Variants in NFYA observed in about 807,000 individuals in gnomAD.
The protein encoded by NFYA is nuclear transcription factor Y subunit alpha.
In NFYA, 28 loss-of-function variants were observed where a neutral mutation model predicts 52.8. The ratio of observed to expected loss-of-function variants is 0.53; its 90% CI spans 0.39 to 0.73. The LOEUF (loss-of-function observed/expected upper bound fraction) is 0.73. Ranked by LOEUF, NFYA falls within the 30% of genes least tolerant of loss-of-function variation. NFYA has a pLI of 0.00. For missense variants in NFYA, 234 were observed against 427.0 expected (o/e 0.55, Z 3.98); for synonymous variants, 150 against 150.7 (o/e 1.00, Z 0.03).
At chr6:41,080,482 G>A (rs553387271) in intron 2 of NFYA, among the ~76,000 whole-genome samples, 140 of 152,278 alleles carry the variant, frequency 9.2e-4, no homozygotes, top group Non-Finnish European at 1.8e-3. Context: ...GAACTCATCT[G>A]AGGAGATAAA....
At chr6:41,094,176 AT>A (rs1561856629) in intron 8 of NFYA, among the ~76,000 whole-genome samples, 3 of 152,206 alleles carry the variant, frequency 2.0e-5, no homozygotes, top group Admixed American at 1.3e-4. Context: ...AAAAAAATTC[AT>A]ACTATAAGCA....
intron 1 of NFYA, among the ~76,000 whole-genome samples, chr6:41,077,236 G>A (rs926313136): frequency 4.3e-4 from 66 of 152,254 alleles, no homozygotes; most frequent in African/African-American, 1.6e-3. Flanking sequence ...TTTATTGAGA[G>A]ATACTTTAGA....
rs569500451 is a variant in NFYA, at chr6:41,097,283, G to A, written c.991-74G>A. On this transcript the variant is annotated intron_variant, in intron 9 of 9. Transcript: ENST00000341376. ...AAAGTTATGTGTATTCTCTTGGGGG[G>A]ATAAGTAGTGAGAGCCATGAGTTCC... The A allele has an allele frequency of 2.2e-5, 30 of 1,340,268 alleles. No individual in the cohort carries two copies. In the African/African-American group the frequency reaches 3.9e-4, roughly 17 times the overall value. 83.0% of individuals were successfully genotyped at this position (1,340,268 alleles called of 1,614,324 possible).
At chr6:41,075,876 T>A (rs532245736) in intron 1 of NFYA, among the ~76,000 whole-genome samples, 1 of 152,330 alleles carries the variant, frequency 6.6e-6, no homozygotes, top group South Asian at 2.1e-4. Flanking sequence ...AGTTTGAATC[T>A]TCGTCAGAGA....
intron 8 of NFYA, 77 bp downstream of exon 8, chr6:41,093,162 T>C: frequency 3.0e-6 from 4 of 1,336,800 alleles, no homozygotes; most frequent in African/African-American, 1.5e-5. Context: ...TTATATGGCT[T>C]GTTTTCTCAC....
intron 8 of NFYA, 99 bp from the exon 9 acceptor site, chr6:41,094,297 C>T (rs1219086966): frequency 2.0e-6 from 2 of 981,930 alleles, no homozygotes; most frequent in South Asian, 1.5e-5. Context: ...GACTTTGATC[C>T]CAGCTGTCTT....
At chr6:41,073,786 C>T (rs1252007377) in intron 1 of NFYA, among the ~76,000 whole-genome samples, 1 of 152,124 alleles carries the variant, frequency 6.6e-6, no homozygotes, top group Admixed American at 6.5e-5. Context: ...CTCCGCCGCG[C>T]CCCTCCTCCC....
In NFYA at chr6:41,084,341, A is replaced by G. The variant is rs78645614; in HGVS notation, c.309+149A>G. ...GTTGATTTTCTGCCTTTATAGTACC[A>G]GTGATATAAACTAGAACTATGCAGA... On this transcript the variant is annotated intron_variant, in intron 4 of 9. Transcript: ENST00000341376. 0.016 allele frequency: 14,778 copies of G among 900,160 alleles called. 197 individuals are homozygous for G. Among genetic ancestry groups the G allele is most frequent in the Non-Finnish European group, 0.02 (12,397 of 609,526 alleles). 55.8% of individuals were successfully genotyped at this position (900,160 alleles called of 1,614,324 possible).
chr6:41,102,278 A>G lies in NFYA; in HGVS notation c.*4868A>G, dbSNP rs879523120. Among the ~76,000 whole-genome samples the G allele has an allele frequency of 5.9e-5, 9 of 152,252 alleles. No homozygotes were observed. Among genetic ancestry groups the G allele is most frequent in the Middle Eastern group, 3.4e-3 (1 of 294 alleles). ...CCACTGAAAAGCTAGACCTTTGCCT[A>G]TTATCTGCTAATCTACCCAGTCTCA... On this transcript the variant is annotated 3_prime_UTR_variant, in exon 10 of 10. Coordinates refer to ENST00000341376, the MANE Select transcript of NFYA (RefSeq NM_002505.5).
chr6:41,094,600 C>G (rs546796722), intron 9 of NFYA, 103 bp downstream of exon 9: 1 of 770,952 alleles, frequency 1.3e-6, no homozygotes, highest in Admixed American at 2.3e-5. Context: ...TCTGGGACTA[C>G]TCACATTCTC....
Position 41,101,851 on chromosome 6 carries a change from G to C in NFYA, c.*4441G>C, listed in dbSNP as rs1764510021. Among the ~76,000 whole-genome samples the C allele has an allele frequency of 6.6e-6, 1 of 152,124 alleles. No homozygotes were observed. The highest frequency in any genetic ancestry group is 1.5e-5 in the Non-Finnish European group (1 of 68,024). On this transcript the variant is annotated 3_prime_UTR_variant, in exon 10 of 10. Coordinates refer to ENST00000341376, the MANE Select transcript of NFYA (RefSeq NM_002505.5). ...TCCCAGTGGCAGCAGCAACCAACCT[G>C]GCCCTTAGTAGTTTCTAAGTTACAC...
intron 9 of NFYA, among the ~76,000 whole-genome samples, chr6:41,096,403 G>A (rs1764359309): frequency 6.6e-6 from 1 of 152,172 alleles, no homozygotes; most frequent in Non-Finnish European, 1.5e-5. Context: ...TCCTCATTCT[G>A]TGTGCTAACA....
At chr6:41,076,562 A>G (rs1186150153) in intron 1 of NFYA, among the ~76,000 whole-genome samples, 1 of 152,214 alleles carries the variant, frequency 6.6e-6, no homozygotes, top group African/African-American at 2.4e-5. Context: ...GTGGTTGGCT[A>G]AGTCTCAGCT....
chr6:41,091,364 A>G (rs188913574), intron 6 of NFYA, among the ~76,000 whole-genome samples, 164 bp from the exon 7 acceptor site: 9 of 152,210 alleles, frequency 5.9e-5, no homozygotes, highest in Non-Finnish European at 1.2e-4. Context: ...TAGATTATAT[A>G]TAGCACACCA....
intron 3 of NFYA, 49 bp from the exon 4 acceptor site, chr6:41,083,997 C>A: frequency 1.3e-6 from 2 of 1,507,558 alleles, no homozygotes; most frequent in Non-Finnish European, 1.8e-6. Context: ...TGGTAAAAAC[C>A]ATTTTGTGTC....
intron 4 of NFYA, among the ~76,000 whole-genome samples, chr6:41,087,324 A>G (rs1355275917): frequency 6.6e-6 from 1 of 152,238 alleles, no homozygotes; most frequent in African/African-American, 2.4e-5. Context: ...GAATGTCTCT[A>G]AGACATGGAA....
At chr6:41,074,522 CTTG>C (rs1763676754) in intron 1 of NFYA, among the ~76,000 whole-genome samples, 1 of 152,172 alleles carries the variant, frequency 6.6e-6, no homozygotes, top group Non-Finnish European at 1.5e-5. Context: ...TTTGACTGGC[CTTG>C]AAGAATGATG....
intron 1 of NFYA, among the ~76,000 whole-genome samples, chr6:41,076,688 G>GA (rs1763741499): frequency 6.6e-6 from 1 of 152,172 alleles, no homozygotes; most frequent in Admixed American, 6.5e-5. Flanking sequence ...TCTCTTTGAG[G>GA]AAAAACCATT....
intron 6 of NFYA, among the ~76,000 whole-genome samples, chr6:41,091,259 C>T (rs751369968): frequency 1.4e-4 from 21 of 152,174 alleles, no homozygotes; most frequent in Non-Finnish European, 2.6e-4. Context: ...AAGAGGAGGC[C>T]TCCAAACCTT....
Sources: gnomAD v4.1 joint callset for allele counts (sites outside exome capture counted in the v4.1 genomes callset) on GRCh38, gnomAD v4.1.1 for gene constraint, MANE v1.5 for transcripts, NCBI Gene and HGNC (gene_info 2026-07-23, HGNC 2026-07-21) for gene names.